Variants in KLHL3 observed in about 807,000 individuals in gnomAD.
The protein encoded by KLHL3 is kelch-like protein 3.
Under a neutral mutation model 70.5 loss-of-function variants are expected in KLHL3, and 19 were observed. The ratio of observed to expected loss-of-function variants is 0.27; its 90% CI spans 0.19 to 0.40. The LOEUF is 0.40. Among genes scored for constraint, KLHL3 ranks in the 10% least tolerant of loss-of-function variants. KLHL3 has a pLI of 1.00. For missense variants in KLHL3, 512 were observed against 771.1 expected, an observed-to-expected ratio of 0.66 and a Z score of 3.98; for synonymous variants, 258 against 290.3, an observed-to-expected ratio of 0.89 and a Z score of 1.13.
At chr5:137,624,255 T>C (rs763580794) in intron 14 of KLHL3, among the ~76,000 whole-genome samples, 2 of 152,160 alleles carry the variant, frequency 1.3e-5, no homozygotes, top group Non-Finnish European at 2.9e-5. Flanking sequence ...GGTTTGCTTG[T>C]CTCCTTCCTA....
At position 137,628,702 on chromosome 5, in the gene KLHL3, T is replaced by A. The variant is rs149657454; in HGVS notation, c.1451-265A>T. On this transcript the variant is annotated intron_variant, in intron 12 of 14. Coordinates refer to ENST00000309755, the MANE Select transcript of KLHL3 (RefSeq NM_017415.3). ...TTTTTAAAAAACATTAAAAAATATA[T>A]ATATATATATACACACACACAGACA... is the stretch of plus-strand genomic sequence containing the variant. 0.23 allele frequency: 54,511 copies of A among 240,804 alleles called. 7,328 individuals are homozygous for A. Among genetic ancestry groups the A allele is most frequent in the East Asian group, 0.43 (5,237 of 12,074 alleles). 14.9% of individuals were successfully genotyped at this position (240,804 alleles called of 1,614,324 possible). A position where few individuals can be genotyped will look rare whatever the true frequency, so the allele number is the denominator to read the frequency against.
intron 5 of KLHL3, among the ~76,000 whole-genome samples, chr5:137,682,121 GTCTC>G (rs992832151): frequency 9.9e-5 from 15 of 151,988 alleles, no homozygotes; most frequent in Admixed American, 2.6e-4. Context: ...CATATATTAT[GTCTC>G]TCAATCCCCG....
rs564132519 is a variant in KLHL3, at chr5:137,622,991, T to C, written c.1736-865A>G. ...ACTGTAAAGGCAAGTGTGCCAGTGT[T>C]GCAACGCTGGCTTTGTTCTTGTTGT... is the stretch of plus-strand genomic sequence containing the variant. On this transcript the variant is annotated intron_variant, in intron 14 of 14. Coordinates refer to ENST00000309755, the MANE Select transcript of KLHL3 (RefSeq NM_017415.3). Among the ~76,000 whole-genome samples the C allele has an allele frequency of 3.1e-3, 469 of 152,372 alleles. 3 individuals are homozygous for C. The highest frequency in any genetic ancestry group is 5.7e-3 in the Non-Finnish European group (390 of 68,040).
chr5:137,709,790 G>A lies in KLHL3; in HGVS notation c.201C>T (p.Val67=). 1.9e-6 allele frequency: 3 copies of A among 1,614,142 alleles called. No homozygotes were observed. The highest frequency in any genetic ancestry group is 2.5e-6 in the Non-Finnish European group (3 of 1,180,026). ...EDVEIEAHRV[V]LAACSPYFCA... ...AGAAGTAGGGGCTGCAGGCTGCCAG[G>A]ACCACACGGTGGGCTTCTATCTCGA... is the stretch of plus-strand genomic sequence containing the variant. The change falls in exon 3 of 15, where the codon GTC becomes GTT. Residue 67 remains valine (V), a synonymous_variant. Transcript: ENST00000309755.
At chr5:137,696,074 GT>G (rs944596022) in intron 4 of KLHL3, among the ~76,000 whole-genome samples, 26 of 151,514 alleles carry the variant, frequency 1.7e-4, no homozygotes, top group African/African-American at 5.6e-4. Flanking sequence ...GCCCCGTTTT[GT>G]TTTTTTTTCT....
chr5:137,696,719 T>A (rs1204764552), intron 4 of KLHL3, among the ~76,000 whole-genome samples: 2 of 152,320 alleles, frequency 1.3e-5, no homozygotes, highest in Admixed American at 1.3e-4. Flanking sequence ...TTACTCTCTA[T>A]GTGACCGTGG....
intron 2 of KLHL3, among the ~76,000 whole-genome samples, chr5:137,711,746 T>G (rs555009327): frequency 6.6e-6 from 1 of 152,172 alleles, no homozygotes; most frequent in African/African-American, 2.4e-5. Flanking sequence ...ACATATATCA[T>G]GGGGGCCAAA....
intron 2 of KLHL3, among the ~76,000 whole-genome samples, chr5:137,712,156 C>CAAAAAAAAAAAAA (rs201519598): frequency 1.3e-5 from 1 of 74,862 alleles, no homozygotes; most frequent in African/African-American, 5.5e-5. Flanking sequence ...AAGATTCTGT[C>CAAAAAAAAAAAAA]AAAAAAAAAA....
chr5:137,681,780 A>G (rs1752032982), intron 5 of KLHL3, among the ~76,000 whole-genome samples: 1 of 152,166 alleles, frequency 6.6e-6, no homozygotes, highest in Non-Finnish European at 1.5e-5. Flanking sequence ...AAAATAAGTC[A>G]GTTAATTAAG....
intron 4 of KLHL3, among the ~76,000 whole-genome samples, chr5:137,695,372 C>G (rs890406061): frequency 2.0e-5 from 3 of 152,056 alleles, no homozygotes; most frequent in Admixed American, 2.0e-4. Flanking sequence ...AATGAATGGG[C>G]CTTCTGGTTT....
In KLHL3 at chr5:137,717,500, G is replaced by A. The variant is rs544477213; in HGVS notation, c.134+2965C>T. ...AGCCGAGATCACACCACTGCATTCC[G>A]GCCTGGGCCACACGAGTGAAACTCT... On this transcript the variant is annotated intron_variant, in intron 2 of 14. Coordinates refer to ENST00000309755, the MANE Select transcript of KLHL3 (RefSeq NM_017415.3). Among the ~76,000 whole-genome samples, 285 of 152,282 alleles carry A rather than the reference G, an allele frequency of 1.9e-3. 1 individual carries two copies. Among genetic ancestry groups the A allele is most frequent in the South Asian group, 6.2e-3 (30 of 4,822 alleles).
chr5:137,712,705 A>C (rs1752817601), intron 2 of KLHL3, among the ~76,000 whole-genome samples: 1 of 152,142 alleles, frequency 6.6e-6, no homozygotes, highest in Admixed American at 6.5e-5. Flanking sequence ...ACACTTTGCC[A>C]TTTGTGGAAA....
chr5:137,635,202 T>C (rs1362059515), intron 11 of KLHL3, among the ~76,000 whole-genome samples: 1 of 152,222 alleles, frequency 6.6e-6, no homozygotes, highest in Non-Finnish European at 1.5e-5. Flanking sequence ...GAACTACTGC[T>C]GTATTATCAA....
At chr5:137,705,885 TA>T in intron 3 of KLHL3, 1 of 442,718 alleles carries the variant, frequency 2.3e-6, no homozygotes, top group Non-Finnish European at 3.0e-6. Context: ...GAATGAGTCC[TA>T]GACATTTCAT....
intron 8 of KLHL3, among the ~76,000 whole-genome samples, chr5:137,643,018 T>C (rs1750955852): frequency 6.6e-6 from 1 of 152,114 alleles, no homozygotes; most frequent in African/African-American, 2.4e-5. Flanking sequence ...AAATGCAAAT[T>C]TTTTAATGTT....
Position 137,639,093 on chromosome 5 carries a change from C to T in KLHL3, c.1079G>A (p.Arg360Gln), listed in dbSNP as rs1561586322. 2 of 1,614,078 alleles carry T rather than the reference C, an allele frequency of 1.2e-6. No individual in the cohort carries two copies. The highest frequency in any genetic ancestry group is 2.2e-5 in the East Asian group (1 of 44,870). ...YAVGGFNGSL[R>Q]VRTVDVYDGV... The stretch of plus-strand genomic sequence containing the variant: ...GTCATACACATCCACTGTCCGCACC[C>T]GCAGTGAGCCATTAAACCCTCCCAC... The change falls in exon 10 of 15, where the codon CGG becomes CAG. Residue 360 changes from arginine to glutamine, a missense_variant. Coordinates refer to ENST00000309755, the MANE Select transcript of KLHL3 (RefSeq NM_017415.3). This position sits in a 1 kb window ranked among gnomAD's most constrained non-coding sequence, Gnocchi z 5.0.
rs1451339644 is a variant in KLHL3 at position 137,620,690 on chromosome 5, A to C, written c.*1408T>G. Reference sequence around the variant, plus strand: ...AATGCCCGCTCCTCAAGATGCTTGAAGTTCTATTGTTAATAATTTTTACCT... The same window carrying C: ...AATGCCCGCTCCTCAAGATGCTTGACGTTCTATTGTTAATAATTTTTACCT... On this transcript the variant is annotated 3_prime_UTR_variant, in exon 15 of 15. Transcript: ENST00000309755. 1 of 152,194 alleles carries C rather than the reference A, an allele frequency of 6.6e-6. No individual in the cohort carries two copies. Among genetic ancestry groups the C allele is most frequent in the Non-Finnish European group, 1.5e-5 (1 of 68,038 alleles). 9.4% of individuals were successfully genotyped at this position (152,194 alleles called of 1,614,324 possible). A position where few individuals can be genotyped will look rare whatever the true frequency, so the allele number is the denominator to read the frequency against.
At chr5:137,648,658 C>T (rs1316625774) in intron 8 of KLHL3, among the ~76,000 whole-genome samples, 2 of 152,322 alleles carry the variant, frequency 1.3e-5, no homozygotes, top group East Asian at 3.9e-4. Flanking sequence ...ATGCTCTGTG[C>T]ATATATGGCT....
Position 137,720,558 on chromosome 5 carries a change from ATCAGAGTCTGGGAGC to A in KLHL3, c.26_40del (p.Ser9_Leu13del). 6.2e-7 allele frequency: 1 copy of A among 1,614,128 alleles called. No individual in the cohort carries two copies. The highest frequency in any genetic ancestry group is 8.5e-7 in the Non-Finnish European group (1 of 1,179,996). The stretch of plus-strand genomic sequence containing the variant: ...GTTCTTCTCATCATCCCCAGCCTGT[ATCAGAGTCTGGGAGC>A]TCAGCTTGACACTGTGAACAGGAAG... On this transcript the variant is annotated inframe_deletion, in exon 2 of 15. Transcript: ENST00000309755.
Sources: gnomAD v4.1 joint callset for allele counts (sites outside exome capture counted in the v4.1 genomes callset) on GRCh38, gnomAD v4.1.1 for gene constraint, Gnocchi (gnomAD v3.1) non-coding constraint, MANE v1.5 for transcripts, NCBI Gene and HGNC (gene_info 2026-07-23, HGNC 2026-07-21) for gene names.